The following DENND2B variants were observed in gnomAD, a reference collection of about 807,000 sequenced individuals.
DENND2B encodes the protein DENN domain containing 2B.
Under a neutral mutation model 116.0 loss-of-function variants are expected in DENND2B, and 32 were observed. That is an observed-to-expected ratio of 0.28 (90% confidence interval 0.21 to 0.37). DENND2B has a LOEUF of 0.37. Ranked by LOEUF, DENND2B falls within the 10% of genes least tolerant of loss-of-function variation. DENND2B has a pLI of 1.00. For synonymous variants in DENND2B, 588 were observed against 583.9 expected, an observed-to-expected ratio of 1.01 and a Z score of -0.10; for missense variants, 1,276 against 1,477.7, an observed-to-expected ratio of 0.86 and a Z score of 2.24.
intron 1 of DENND2B, among the ~76,000 whole-genome samples, chr11:8,798,813 A>G (rs1404621412): frequency 6.7e-6 from 1 of 148,710 alleles, no homozygotes; most frequent in Non-Finnish European, 1.5e-5. Flanking sequence ...TAAATAAAAC[A>G]ACAATTTCCG....
intron 11 of DENND2B, 39 bp downstream of exon 11, chr11:8,710,806 C>T: frequency 1.3e-6 from 2 of 1,583,122 alleles, no homozygotes; most frequent in Non-Finnish European, 1.7e-6. Context: ...CTGGCCTATC[C>T]CCTGCCTGCT....
rs555404699 is a variant in DENND2B, at chr11:8,755,065, T to G, written c.-25-4340A>C. On this transcript the variant is annotated intron_variant, in intron 1 of 19. Coordinates refer to ENST00000313726, the MANE Select transcript of DENND2B (RefSeq NM_213618.2). Reference sequence around the variant, plus strand: ...TAAAACTTAAGAGCTAAATAAATCTTTTTAAGTGCCTTGGAGAGTGGGTGT... The same window carrying G: ...TAAAACTTAAGAGCTAAATAAATCTGTTTAAGTGCCTTGGAGAGTGGGTGT... Among the ~76,000 whole-genome samples, 14 of 152,352 alleles carry G rather than the reference T, an allele frequency of 9.2e-5. No individual in the cohort carries two copies. The South Asian group carries it at 2.7e-3, about 29-fold the overall frequency.
intron 11 of DENND2B, among the ~76,000 whole-genome samples, chr11:8,710,365 A>T (rs2043380770): frequency 6.6e-6 from 1 of 151,992 alleles, no homozygotes; most frequent in Non-Finnish European, 1.5e-5. Flanking sequence ...TCCCTGCCCA[A>T]TCTCCAGCCC....
chr11:8,806,564 A>G (rs1189640690), intron 1 of DENND2B, among the ~76,000 whole-genome samples: 6 of 132,970 alleles, frequency 4.5e-5, no homozygotes, highest in Admixed American at 8.4e-5. Flanking sequence ...ATTCTTCAAT[A>G]AGGTAATCTA....
intron 3 of DENND2B, among the ~76,000 whole-genome samples, chr11:8,844,533 C>G (rs2062738000): frequency 1.0e-5 from 1 of 98,094 alleles, no homozygotes; most frequent in Admixed American, 1.0e-4. Context: ...AAAGAACATA[C>G]ATTTTATACT....
intron 1 of DENND2B, chr11:8,895,453 C>T (rs1399189550): frequency 1.3e-5 from 2 of 152,052 alleles, no homozygotes; most frequent in African/African-American, 4.8e-5. Context: ...ATGGATGAAA[C>T]TTTACGACAT....
At chr11:8,796,039 T>C (rs898486300) in intron 1 of DENND2B, among the ~76,000 whole-genome samples, 3 of 152,238 alleles carry the variant, frequency 2.0e-5, no homozygotes, top group Non-Finnish European at 2.9e-5. Flanking sequence ...GAAATTCCTC[T>C]GTTTTCTAGC....
intron 2 of DENND2B, among the ~76,000 whole-genome samples, chr11:8,738,902 C>G (rs1359026583): frequency 1.3e-5 from 2 of 152,154 alleles, no homozygotes; most frequent in Admixed American, 6.5e-5. Context: ...CACCCTACCC[C>G]CTTTCAGGTA....
chr11:8,732,570 C>T (rs1027118474), intron 2 of DENND2B, among the ~76,000 whole-genome samples: 2 of 152,214 alleles, frequency 1.3e-5, no homozygotes, highest in African/African-American at 2.4e-5. Flanking sequence ...CCCTACTAGA[C>T]CATGGTTTCT....
At chr11:8,795,477 A>C (rs1341189428) in intron 1 of DENND2B, among the ~76,000 whole-genome samples, 1 of 152,176 alleles carries the variant, frequency 6.6e-6, no homozygotes, top group African/African-American at 2.4e-5. Flanking sequence ...AAATTGGTTA[A>C]CAAGCTCTCC....
chr11:8,765,883 C>CA (rs1332887007), intron 1 of DENND2B, among the ~76,000 whole-genome samples: 6 of 151,862 alleles, frequency 4.0e-5, no homozygotes, highest in Admixed American at 1.3e-4. Context: ...ACTAAAAATA[C>CA]AAAAAATTAG....
chr11:8,837,333 C>G (rs2062467932), intron 4 of DENND2B, among the ~76,000 whole-genome samples: 1 of 149,958 alleles, frequency 6.7e-6, no homozygotes. Flanking sequence ...CAAGAGGACA[C>G]CTACTCAGTT....
At chr11:8,797,472 T>C (rs1336515802) in intron 1 of DENND2B, among the ~76,000 whole-genome samples, 2 of 125,456 alleles carry the variant, frequency 1.6e-5, no homozygotes, top group Admixed American at 9.4e-5. Context: ...TTCCCCTTTC[T>C]TCCCCTTCTT....
intron 17 of DENND2B, among the ~76,000 whole-genome samples, chr11:8,697,070 G>A (rs2040492674): frequency 6.6e-6 from 1 of 152,224 alleles, no homozygotes; most frequent in Admixed American, 6.5e-5. Context: ...CCGGCCTCTG[G>A]AAGCTTGCTT....
At chr11:8,890,446 C>G (rs1040645381) in intron 1 of DENND2B, among the ~76,000 whole-genome samples, 1 of 152,066 alleles carries the variant, frequency 6.6e-6, no homozygotes, top group Non-Finnish European at 1.5e-5. Flanking sequence ...CTTCTCTGAG[C>G]TAAAGGAGGA....
intron 3 of DENND2B, among the ~76,000 whole-genome samples, chr11:8,840,159 C>T (rs971755460): frequency 3.9e-5 from 6 of 152,012 alleles, no homozygotes; most frequent in African/African-American, 1.5e-4. Flanking sequence ...GGGAAGCCAG[C>T]ATGCCCTTCT....
At chr11:8,847,305 A>T (rs984680384) in intron 3 of DENND2B, among the ~76,000 whole-genome samples, 1 of 152,232 alleles carries the variant, frequency 6.6e-6, no homozygotes, top group Non-Finnish European at 1.5e-5. Context: ...CGTTTCCCTT[A>T]TACAAAGTCA....
chr11:8,694,747 C>T, intron 19 of DENND2B: 1 of 400,834 alleles, frequency 2.5e-6, no homozygotes, highest in Non-Finnish European at 4.9e-6. Flanking sequence ...CGTCATTATT[C>T]CCTAAACAAT....
At chr11:8,812,736 C>G (rs368001423), upstream of DENND2B, among the ~76,000 whole-genome samples, 1 of 152,156 alleles carries the variant, frequency 6.6e-6, no homozygotes, top group South Asian at 2.1e-4. Flanking sequence ...AGGGCTGGGA[C>G]TGAGCATCGG....
Sources: gnomAD v4.1 joint callset for allele counts (sites outside exome capture counted in the v4.1 genomes callset) on GRCh38, gnomAD v4.1.1 for gene constraint, MANE v1.5 for transcripts, NCBI Gene and HGNC (gene_info 2026-07-23, HGNC 2026-07-21) for gene names.